The following LRP10 variants were observed in gnomAD, a reference collection of about 807,000 sequenced individuals.
LRP10 encodes the protein LDL receptor related protein 10.
Under a neutral mutation model 58.5 loss-of-function variants are expected in LRP10, and 42 were observed. The ratio of observed to expected loss-of-function variants is 0.72; its 90% CI spans 0.56 to 0.93. The LOEUF is 0.93. Among genes scored for constraint, LRP10 ranks in the 40% least tolerant of loss-of-function variants. LRP10 has a pLI of 0.00. For synonymous variants in LRP10, 377 were observed against 388.5 expected, an observed-to-expected ratio of 0.97 and a Z score of 0.35; for missense variants, 872 against 940.1, an observed-to-expected ratio of 0.93 and a Z score of 0.95.
chr14:22,876,983 G>T lies in LRP10; in HGVS notation c.1598G>T (p.Arg533Leu), dbSNP rs765192467. 3 of 1,604,396 alleles carry T rather than the reference G, an allele frequency of 1.9e-6. No homozygotes were observed. The highest frequency in any genetic ancestry group is 1.7e-5 in the Admixed American group (1 of 58,866). Residue 533 changes from arginine (R) to leucine (L), a missense_variant, in exon 7 of 7, where the codon CGC (arginine) becomes CTC (leucine). Physicochemically the swap from Arg to Leu is moderately radical, Grantham distance 102. Coordinates refer to ENST00000359591, the MANE Select transcript of LRP10 (RefSeq NM_014045.5). ...GNLRSLLQIL[R>L]QDMTPGGGPG... Reference sequence around the variant, plus strand: ...CTGCGTTCTCTGCTACAGATCTTACGCCAGGATATGACTCCAGGAGGTGGC... The same window carrying T: ...CTGCGTTCTCTGCTACAGATCTTACTCCAGGATATGACTCCAGGAGGTGGC...
chr14:22,876,032 C>T lies in LRP10; in HGVS notation c.1084C>T (p.Pro362Ser). The change falls in exon 5 of 7, where the codon CCC becomes TCC. Residue 362 changes from proline (P) to serine (S), a missense_variant. By Grantham distance (74) the Pro-to-Ser change is moderately conservative. Coordinates refer to ENST00000359591, the MANE Select transcript of LRP10 (RefSeq NM_014045.5). ...DCPGCPPGHF[P>S]CGAAGTSGAT... ...CCCAGGCTGCCCACCTGGACACTTC[C>T]CCTGTGGGGCTGCTGGCACCTCTGG... The T allele has an allele frequency of 6.2e-7, 1 of 1,613,354 alleles. No homozygotes were observed. The highest frequency in any genetic ancestry group is 8.5e-7 in the Non-Finnish European group (1 of 1,179,926).
chr14:22,879,349 G>C lies in LRP10; in HGVS notation c.*1822G>C. 2.9e-6 allele frequency: 1 copy of C among 349,746 alleles called. No individual in the cohort carries two copies. Among genetic ancestry groups the C allele is most frequent in the Non-Finnish European group, 6.0e-6 (1 of 165,962 alleles). The allele number at this position is 349,746 out of a possible 1,614,324, so 21.7% of individuals were successfully genotyped here. On this transcript the variant is annotated 3_prime_UTR_variant, in exon 7 of 7. Coordinates refer to ENST00000359591, the MANE Select transcript of LRP10 (RefSeq NM_014045.5). ...GAGGGCTCTGGAGAACCTGGTTCTT[G>C]CTTACTGTTCTCCCTTTGGGCCCTC...
In LRP10 at chr14:22,879,175, T is replaced by C. The variant is rs1266620934; in HGVS notation, c.*1648T>C. 12 of 456,476 alleles carry C rather than the reference T, an allele frequency of 2.6e-5. No homozygotes were observed. In the East Asian group the frequency reaches 7.6e-4, roughly 29 times the overall value. The allele number at this position is 456,476 out of a possible 1,614,324, so 28.3% of individuals were successfully genotyped here. A position where few individuals can be genotyped will look rare whatever the true frequency, so the allele number is the denominator to read the frequency against. On this transcript the variant is annotated 3_prime_UTR_variant, in exon 7 of 7. Transcript: ENST00000359591. ...TCAGCCTCCTCAAACCCAGCACTAATTGCACAATTTTCCTCTCTTCTAGTG... is the reference window on the plus strand; with the variant it reads ...TCAGCCTCCTCAAACCCAGCACTAACTGCACAATTTTCCTCTCTTCTAGTG...
Position 22,873,305 on chromosome 14 carries a change from C to T in LRP10, c.80-6C>T. ...TACTACCCGTGTCCTACCTTCCTCT[C>T]TCCAGCTTGTGAGGACCCCCCAGCA... is the stretch of plus-strand genomic sequence containing the variant. On this transcript the variant is annotated splice_region_variant and splice_polypyrimidine_tract_variant and intron_variant, in intron 2 of 6. Coordinates refer to ENST00000359591, the MANE Select transcript of LRP10 (RefSeq NM_014045.5). 6.2e-7 allele frequency: 1 copy of T among 1,611,034 alleles called. No homozygotes were observed. The highest frequency in any genetic ancestry group is 8.5e-7 in the Non-Finnish European group (1 of 1,177,658).
Position 22,879,049 on chromosome 14 carries a change from A to G in LRP10, c.*1522A>G, listed in dbSNP as rs1399186353. ...TCAGGCTCTCCTTGTCTAGCCCCAC[A>G]CCTGGCAGAGCCTGTCACCCAGCCT... On this transcript the variant is annotated 3_prime_UTR_variant, in exon 7 of 7. Coordinates refer to ENST00000359591, the MANE Select transcript of LRP10 (RefSeq NM_014045.5). 1 of 375,514 alleles carries G rather than the reference A, an allele frequency of 2.7e-6. No individual in the cohort carries two copies. The highest frequency in any genetic ancestry group is 2.8e-5 in the Admixed American group (1 of 35,568). The allele number at this position is 375,514 out of a possible 1,614,324, so 23.3% of individuals were successfully genotyped here.
At chr14:22,873,650 G>A (rs1390518022) in intron 3 of LRP10, among the ~76,000 whole-genome samples, 5 of 151,846 alleles carry the variant, frequency 3.3e-5, no homozygotes, top group African/African-American at 4.8e-5. Context: ...TTGGCCTCCC[G>A]AGTAGCTGGG....
At position 22,877,030 on chromosome 14, in the gene LRP10, C is replaced by T. The variant is rs142122830; in HGVS notation, c.1645C>T (p.Arg549Trp). 85 of 1,613,206 alleles carry T rather than the reference C, an allele frequency of 5.3e-5. No individual in the cohort carries two copies. Among genetic ancestry groups the T allele is most frequent in the Non-Finnish European group, 6.9e-5 (81 of 1,179,730 alleles). ...TGGCCCAGGTGCCCGCCGTCGTCAG[C>T]GGGGCCGCTTGATGCGACGCCTGGT... ...GGGPGARRRQ[R>W]GRLMRRLVRR... The change falls in exon 7 of 7, where the codon CGG (arginine) becomes TGG (tryptophan). Residue 549 changes from arginine to tryptophan, a missense_variant. Arg to Trp is a moderately radical substitution (Grantham distance 101). Transcript: ENST00000359591. This position sits in a 1 kb window ranked among gnomAD's most constrained non-coding sequence, Gnocchi z 5.1.
chr14:22,876,898 C>G, intron 6 of LRP10, 42 bp from the exon 7 acceptor site: 1 of 1,585,080 alleles, frequency 6.3e-7, no homozygotes, highest in Non-Finnish European at 8.6e-7. Context: ...CTTCATTCAG[C>G]CTTTGGCCCT....
At position 22,875,043 on chromosome 14, in the gene LRP10, C is replaced by G. The variant is rs2039987045; in HGVS notation, c.216-12C>G. The G allele has an allele frequency of 5.8e-6, 9 of 1,540,358 alleles. No individual in the cohort carries two copies. Among genetic ancestry groups the G allele is most frequent in the African/African-American group, 1.4e-5 (1 of 73,020 alleles). On this transcript the variant is annotated splice_polypyrimidine_tract_variant and intron_variant, in intron 3 of 6. Coordinates refer to ENST00000359591, the MANE Select transcript of LRP10 (RefSeq NM_014045.5). ...AGAGTATCTCATGTCCTGCTCTCCT[C>G]TACTCCCATAGGTTCCAGAAGCTAC...
At position 22,879,174 on chromosome 14, in the gene LRP10, A is replaced by C; in HGVS notation, c.*1647A>C. 1 of 456,546 alleles carries C rather than the reference A, an allele frequency of 2.2e-6. No homozygotes were observed. The highest frequency in any genetic ancestry group is 4.4e-6 in the Non-Finnish European group (1 of 226,924). 28.3% of individuals were successfully genotyped at this position (456,546 alleles called of 1,614,324 possible). Reference sequence around the variant, plus strand: ...GTCAGCCTCCTCAAACCCAGCACTAATTGCACAATTTTCCTCTCTTCTAGT... The same window carrying C: ...GTCAGCCTCCTCAAACCCAGCACTACTTGCACAATTTTCCTCTCTTCTAGT... On this transcript the variant is annotated 3_prime_UTR_variant, in exon 7 of 7. Transcript: ENST00000359591.
chr14:22,876,848 C>T, intron 6 of LRP10, 30 bp downstream of exon 6: 2 of 1,610,324 alleles, frequency 1.2e-6, no homozygotes. Context: ...CCTAGCACCT[C>T]CTGGTCCCAG....
Position 22,875,892 on chromosome 14 carries a change from G to C in LRP10, c.944G>C (p.Cys315Ser), listed in dbSNP as rs1184895075. 2.5e-6 allele frequency: 4 copies of C among 1,613,524 alleles called. No homozygotes were observed. Among genetic ancestry groups the C allele is most frequent in the Non-Finnish European group, 3.4e-6 (4 of 1,179,632 alleles). The part of the protein sequence containing the change: ...RGYCLPWDRP[C>S]GLGSGLGAGE... ...TATTGCTTGCCTTGGGACAGACCCT[G>C]TGGCTTAGGCTCTGGCCTGGGAGCT... Residue 315 changes from cysteine to serine, a missense_variant, in exon 5 of 7, where the codon TGT becomes TCT. Cys to Ser is a moderately radical substitution (Grantham distance 112). Transcript: ENST00000359591.
chr14:22,876,641 A>C (rs1595030896), intron 5 of LRP10, 48 bp from the exon 6 acceptor site: 1 of 1,597,930 alleles, frequency 6.3e-7, no homozygotes. Context: ...GAGGTGGTCT[A>C]CTCTGGCCGA....
Position 22,878,903 on chromosome 14 carries a change from A to G in LRP10, c.*1376A>G. On this transcript the variant is annotated 3_prime_UTR_variant, in exon 7 of 7. Transcript: ENST00000359591. The stretch of plus-strand genomic sequence containing the variant: ...AGCAAAGTGACAGAAGCTGCCCCAG[A>G]GTTTGGAAGGAAGATCGAGGCAGAA... The G allele has an allele frequency of 3.6e-6, 1 of 274,710 alleles. No homozygotes were observed. Among genetic ancestry groups the G allele is most frequent in the African/African-American group, 2.2e-5 (1 of 46,034 alleles). 17.0% of individuals were successfully genotyped at this position (274,710 alleles called of 1,614,324 possible).
In LRP10 at chr14:22,875,185, TAC is replaced by T; in HGVS notation, c.348_349del (p.Tyr116Ter). ...GCCCGGGGGCAACGTCACCATCACT[TAC>T]AGCTATGCTGGGGCCAGAGCACCCA... ...QLPGGNVTIT[Y>X]SYAGARAPMG... On this transcript the variant is annotated frameshift_variant, in exon 4 of 7. Coordinates refer to ENST00000359591, the MANE Select transcript of LRP10 (RefSeq NM_014045.5). LOFTEE classifies it high-confidence loss of function. 6.2e-7 allele frequency: 1 copy of T among 1,613,116 alleles called. No individual in the cohort carries two copies. The highest frequency in any genetic ancestry group is 8.5e-7 in the Non-Finnish European group (1 of 1,179,506).
At position 22,877,349 on chromosome 14, in the gene LRP10, T is replaced by C. The variant is rs777930647; in HGVS notation, c.1964T>C (p.Val655Ala). The stretch of plus-strand genomic sequence containing the variant: ...GAGCCATCACTATTGTCTGGAGTGG[T>C]GCAGGCCCTGCGAGGCCGCCTGTTG... ...PLEPSLLSGV[V>A]QALRGRLLPS... The change falls in exon 7 of 7, where the codon GTG (valine) becomes GCG (alanine). Residue 655 changes from valine (V) to alanine (A), a missense_variant. Coordinates refer to ENST00000359591, the MANE Select transcript of LRP10 (RefSeq NM_014045.5). This position sits in a 1 kb window ranked among gnomAD's most constrained non-coding sequence, Gnocchi z 5.1. The C allele has an allele frequency of 6.2e-7, 1 of 1,613,126 alleles. No individual in the cohort carries two copies. The highest frequency in any genetic ancestry group is 2.2e-5 in the East Asian group (1 of 44,854).
chr14:22,872,381 G>T, intron 1 of LRP10, 44 bp downstream of exon 1: 1 of 1,612,552 alleles, frequency 6.2e-7, no homozygotes, highest in African/African-American at 1.3e-5. Context: ...CTGTCACCGG[G>T]CCAGCAGCTC....
intron 1 of LRP10, 73 bp downstream of exon 1, chr14:22,872,410 C>G: frequency 6.5e-7 from 1 of 1,548,096 alleles, no homozygotes; most frequent in Non-Finnish European, 8.9e-7. Flanking sequence ...TCCAGTGCGG[C>G]CCCGCACTCT....
rs201600991 is a variant in LRP10, at chr14:22,876,702, C to G, written c.1438C>G (p.Leu480Val). ...CATTCCTTCTAGCATCTTTGCCCCCCTCTCCCGGATGGAGGCTGAGATTGT... is the reference window on the plus strand; with the variant it reads ...CATTCCTTCTAGCATCTTTGCCCCCGTCTCCCGGATGGAGGCTGAGATTGT... ...RTQEYSIFAP[L>V]SRMEAEIVQQ... Residue 480 changes from leucine (L) to valine (V), a missense_variant, in exon 6 of 7, where the codon CTC becomes GTC. Physicochemically the swap from Leu to Val is conservative, Grantham distance 32 (BLOSUM62 1). Coordinates refer to ENST00000359591, the MANE Select transcript of LRP10 (RefSeq NM_014045.5). 1.8e-5 allele frequency: 29 copies of G among 1,613,650 alleles called. No homozygotes were observed. The highest frequency in any genetic ancestry group is 3.3e-4 in the Middle Eastern group (2 of 6,078).
Sources: gnomAD v4.1 joint callset for allele counts (sites outside exome capture counted in the v4.1 genomes callset) on GRCh38, gnomAD v4.1.1 for gene constraint, Gnocchi (gnomAD v3.1) non-coding constraint, MANE v1.5 for transcripts, NCBI Gene and HGNC (gene_info 2026-07-23, HGNC 2026-07-21) for gene names.